The following DNAH6 variants were observed in gnomAD, a reference collection of about 807,000 sequenced individuals.
The protein encoded by DNAH6 is axonemal beta dynein heavy chain 6.
In DNAH6, 340 loss-of-function variants were observed where a neutral mutation model predicts 491.4. The observed-to-expected ratio is 0.69, with a 90% CI of 0.63 to 0.76. DNAH6 has a LOEUF of 0.76. Among genes scored for constraint, DNAH6 ranks in the 30% least tolerant of loss-of-function variants. The pLI is 0.00. For synonymous variants in DNAH6, 1,603 were observed against 1,686.1 expected (o/e 0.95, Z 1.21); for missense variants, 4,443 against 4,972.2 (o/e 0.89, Z 3.20).
At chr2:84,493,051 G>A in the DNAH6 span, among the ~76,000 whole-genome samples, 3 of 151,628 alleles carry the variant, frequency 2.0e-5, no homozygotes, top group African/African-American at 7.3e-5. Context: ...ACTATAGCAG[G>A]GGTTGGGAAA....
the DNAH6 span, among the ~76,000 whole-genome samples, chr2:84,486,413 C>T: frequency 6.6e-6 from 1 of 152,168 alleles, no homozygotes; most frequent in Non-Finnish European, 1.5e-5. Flanking sequence ...CTTTACTCAC[C>T]CCTTAGCCTG....
intron 30 of DNAH6, among the ~76,000 whole-genome samples, chr2:84,636,219 G>C (rs112344005): frequency 0.031 from 4,703 of 152,238 alleles, 262 homozygotes; most frequent in African/African-American, 0.11. Flanking sequence ...GACTCCTGAT[G>C]CTCAGGCCCA....
At chr2:84,548,250 A>G (rs759693869) in intron 7 of DNAH6, 38 bp from the exon 8 acceptor site, 13 of 1,556,440 alleles carry the variant, frequency 8.4e-6, no homozygotes, top group African/African-American at 2.8e-5. Context: ...GAACTTTTAC[A>G]CAAGTACACT....
At chr2:84,474,797 C>T in the DNAH6 span, among the ~76,000 whole-genome samples, 2 of 152,174 alleles carry the variant, frequency 1.3e-5, no homozygotes, top group African/African-American at 4.8e-5. Flanking sequence ...AATGCTCGGG[C>T]CATTGGTTTA....
At chr2:84,653,192 C>T (rs1024365660) in intron 33 of DNAH6, 127 bp from the exon 34 acceptor site, 2 of 808,430 alleles carry the variant, frequency 2.5e-6, no homozygotes, top group African/African-American at 1.7e-5. Flanking sequence ...CAAACTAATA[C>T]TGTACATGTC....
At chr2:84,460,794 C>T in the DNAH6 span, among the ~76,000 whole-genome samples, 1 of 152,168 alleles carries the variant, frequency 6.6e-6, no homozygotes, top group Non-Finnish European at 1.5e-5. Context: ...CTAACGCAGG[C>T]CTCCATAACA....
chr2:84,799,454 A>G (rs973759856), intron 70 of DNAH6, among the ~76,000 whole-genome samples: 3 of 152,202 alleles, frequency 2.0e-5, no homozygotes, highest in African/African-American at 7.2e-5. Flanking sequence ...AGGGAGACCC[A>G]CCAGGTCAGG....
the DNAH6 span, among the ~76,000 whole-genome samples, chr2:84,496,696 A>G: frequency 1.3e-5 from 2 of 152,206 alleles, no homozygotes; most frequent in Non-Finnish European, 2.9e-5. Context: ...ATAATTTTAA[A>G]TCAATTTTAT....
the DNAH6 span, among the ~76,000 whole-genome samples, chr2:84,476,820 C>T: frequency 6.6e-6 from 1 of 152,208 alleles, no homozygotes. Flanking sequence ...CTTTCACTCC[C>T]CCTCTTTGTA....
At chr2:84,528,686 G>A (rs889996790) in intron 3 of DNAH6, among the ~76,000 whole-genome samples, 4 of 152,150 alleles carry the variant, frequency 2.6e-5, no homozygotes, top group Admixed American at 6.5e-5. Flanking sequence ...AACTGGGACT[G>A]CTTTGTGGTA....
intron 33 of DNAH6, among the ~76,000 whole-genome samples, chr2:84,649,643 G>A (rs1373904260): frequency 6.6e-6 from 1 of 152,074 alleles, no homozygotes; most frequent in Admixed American, 6.6e-5. Flanking sequence ...GCCATAAAAA[G>A]GAATGAGATC....
chr2:84,566,588 T>C (rs546189579), intron 11 of DNAH6, among the ~76,000 whole-genome samples: 2 of 152,018 alleles, frequency 1.3e-5, no homozygotes, highest in South Asian at 4.1e-4. Flanking sequence ...ATGATAAAGA[T>C]TTTTTTTCTC....
At chr2:84,652,756 A>G (rs1489118261) in intron 33 of DNAH6, among the ~76,000 whole-genome samples, 1 of 152,026 alleles carries the variant, frequency 6.6e-6, no homozygotes, top group East Asian at 1.9e-4. Context: ...TTTCCCATTG[A>G]AACATCTCAT....
chr2:84,541,314 A>G (rs1678219691), intron 4 of DNAH6, among the ~76,000 whole-genome samples: 1 of 152,198 alleles, frequency 6.6e-6, no homozygotes, highest in South Asian at 2.1e-4. Context: ...AAATGTACAT[A>G]CACTGTCTTT....
chr2:84,515,892 C>T (rs1675558353), upstream of DNAH6, among the ~76,000 whole-genome samples: 1 of 152,194 alleles, frequency 6.6e-6, no homozygotes, highest in African/African-American at 2.4e-5. Context: ...AATACGGGCT[C>T]ATCCTATGCC....
At chr2:84,469,687 C>T in the DNAH6 span, among the ~76,000 whole-genome samples, 1 of 152,128 alleles carries the variant, frequency 6.6e-6, no homozygotes, top group Non-Finnish European at 1.5e-5. This position sits in a 1 kb window ranked among gnomAD's most constrained non-coding sequence, Gnocchi z 4.0. Context: ...TTCCAGCAGT[C>T]CCATCAGCTC....
chr2:84,482,559 G>T, the DNAH6 span, among the ~76,000 whole-genome samples: 5 of 152,224 alleles, frequency 3.3e-5, no homozygotes, highest in Non-Finnish European at 7.3e-5. Flanking sequence ...TCTTCCTGCA[G>T]CCTTAAGACA....
chr2:84,593,922 C>T (rs1573142819), intron 16 of DNAH6, 50 bp from the exon 17 acceptor site: 1 of 1,090,596 alleles, frequency 9.2e-7, no homozygotes, highest in African/African-American at 1.6e-5. Flanking sequence ...AGCATATGCT[C>T]ATTATATCTG....
At chr2:84,633,715 T>C (rs528688114) in intron 29 of DNAH6, among the ~76,000 whole-genome samples, 20 of 151,794 alleles carry the variant, frequency 1.3e-4, no homozygotes, top group Non-Finnish European at 1.3e-4. Context: ...TTTCAAAACC[T>C]TCTTCCTGCT....
Sources: gnomAD v4.1 joint callset for allele counts (sites outside exome capture counted in the v4.1 genomes callset) on GRCh38, gnomAD v4.1.1 for gene constraint, Gnocchi (gnomAD v3.1) non-coding constraint, MANE v1.5 for transcripts, NCBI Gene and HGNC (gene_info 2026-07-23, HGNC 2026-07-21) for gene names.